CNTN6: variants seen among roughly 807,000 people sequenced by gnomAD.
CNTN6 encodes contactin-6.
CNTN6 carries 137 observed loss-of-function variants against 122.8 expected under a neutral mutation model. That is an observed-to-expected ratio of 1.12 (90% CI 0.97 to 1.29). The LOEUF (loss-of-function observed/expected upper bound fraction) is 1.29, where lower values mean the gene tolerates loss of function less well. Ranked by LOEUF, CNTN6 falls within the 50% of genes most tolerant of loss-of-function variation. The pLI, the probability that CNTN6 is intolerant of heterozygous loss-of-function variation, is 0.00. For missense variants in CNTN6, 1,634 were observed against 1,223.4 expected (o/e 1.34, Z -5.01); for synonymous variants, 570 against 426.0 (o/e 1.34, Z -4.16).
chr3:1,322,630 G>C (rs538417888), intron 8 of CNTN6, among the ~76,000 whole-genome samples: 10 of 151,178 alleles, frequency 6.6e-5, no homozygotes, highest in African/African-American at 2.2e-4. Flanking sequence ...GAGAAAATAT[G>C]TGTGTATGTG....
At chr3:1,111,641 A>T (rs1338199465) in intron 1 of CNTN6, among the ~76,000 whole-genome samples, 1 of 152,206 alleles carries the variant, frequency 6.6e-6, no homozygotes, top group Middle Eastern at 3.2e-3. Flanking sequence ...TGAAACAGTG[A>T]TGCTCAACAT....
intron 12 of CNTN6, among the ~76,000 whole-genome samples, chr3:1,353,432 C>T (rs1705998403): frequency 1.3e-5 from 2 of 151,714 alleles, no homozygotes; most frequent in South Asian, 4.1e-4. Flanking sequence ...AAGCGTATTA[C>T]ATTATGACGA....
intron 1 of CNTN6, among the ~76,000 whole-genome samples, chr3:1,135,437 A>G (rs1246743668): frequency 1.3e-5 from 2 of 152,114 alleles, no homozygotes; most frequent in African/African-American, 4.8e-5. Flanking sequence ...CAGAAACAGA[A>G]TGGAATCAGT....
chr3:1,197,832 T>G (rs1012587507), intron 2 of CNTN6, among the ~76,000 whole-genome samples: 6 of 152,324 alleles, frequency 3.9e-5, no homozygotes, highest in African/African-American at 1.2e-4. Flanking sequence ...TTATAAACTA[T>G]CTCAAAGTCT....
intron 20 of CNTN6, among the ~76,000 whole-genome samples, chr3:1,386,201 T>G (rs1203939008): frequency 6.6e-6 from 1 of 151,922 alleles, no homozygotes; most frequent in Non-Finnish European, 1.5e-5. Context: ...TTGTTCAAGA[T>G]TGAAAGAGAT....
In CNTN6 at chr3:1,289,876, G is replaced by T. The variant is rs142572189; in HGVS notation, c.455-5725G>T. Among the ~76,000 whole-genome samples, 1,474 of 152,124 alleles carry T rather than the reference G, an allele frequency of 9.7e-3. 31 individuals are homozygous for T. Among genetic ancestry groups the T allele is most frequent in the African/African-American group, 0.034 (1,410 of 41,504 alleles). On this transcript the variant is annotated intron_variant, in intron 5 of 22. Coordinates refer to ENST00000446702, the MANE Select transcript of CNTN6 (RefSeq NM_001289080.2). Reference sequence around the variant, plus strand: ...TTTTTGGTAGAGACGGGGTTTCACCGTGTTAGCCAGGATGGTCTCGATCTC... The same window carrying T: ...TTTTTGGTAGAGACGGGGTTTCACCTTGTTAGCCAGGATGGTCTCGATCTC...
At chr3:1,284,497 G>A (rs1161089042) in intron 5 of CNTN6, among the ~76,000 whole-genome samples, 4 of 152,044 alleles carry the variant, frequency 2.6e-5, no homozygotes, top group Non-Finnish European at 5.9e-5. Context: ...TAATAGTAAC[G>A]ATAATAACCG....
intron 4 of CNTN6, among the ~76,000 whole-genome samples, chr3:1,263,864 C>A (rs17036856): frequency 6.6e-6 from 1 of 151,346 alleles, no homozygotes; most frequent in Non-Finnish European, 1.5e-5. Context: ...GGAACTGCTA[C>A]GTTAGATTGG....
At chr3:1,229,833 T>G (rs779732064) in intron 4 of CNTN6, among the ~76,000 whole-genome samples, 6 of 152,194 alleles carry the variant, frequency 3.9e-5, no homozygotes, top group Non-Finnish European at 7.4e-5. Flanking sequence ...GTATGACTGT[T>G]GATCTTGAAA....
rs2094555558 is a variant in CNTN6, at chr3:1,245,265, ATATATATAT to A, written c.358+17273_358+17281del. ...ACACACATATATATATAACATATATATATATATATACACACACATATATATATAACATAT... is the reference window on the plus strand; with the variant it reads ...ACACACATATATATATAACATATATAACACACACATATATATATAACATAT... On this transcript the variant is annotated intron_variant, in intron 4 of 22. Transcript: ENST00000446702. Among the ~76,000 whole-genome samples, 3 of 5,064 alleles carry A rather than the reference ATATATATAT, an allele frequency of 5.9e-4. 1 individual carries two copies. The highest frequency in any genetic ancestry group is 1.9e-3 in the African/African-American group (3 of 1,592). The allele number at this position is 5,064 out of a possible 152,430, so 3.3% of individuals were successfully genotyped here. A position where few individuals can be genotyped will look rare whatever the true frequency, so the allele number is the denominator to read the frequency against.
At chr3:1,112,997 C>T (rs748988806) in intron 1 of CNTN6, among the ~76,000 whole-genome samples, 2 of 152,148 alleles carry the variant, frequency 1.3e-5, no homozygotes, top group Non-Finnish European at 2.9e-5. Context: ...ACTAATTACA[C>T]TATCACTTAT....
chr3:1,224,949 T>G (rs1328501543), intron 3 of CNTN6, among the ~76,000 whole-genome samples: 1 of 152,114 alleles, frequency 6.6e-6, no homozygotes, highest in Non-Finnish European at 1.5e-5. Flanking sequence ...GGTTTCACCA[T>G]GCTGGCCAGG....
intron 4 of CNTN6, among the ~76,000 whole-genome samples, chr3:1,261,586 A>G (rs1254722128): frequency 2.6e-5 from 4 of 152,118 alleles, no homozygotes; most frequent in Non-Finnish European, 4.4e-5. Flanking sequence ...ATAATTTCTC[A>G]GAGCATTCTC....
At chr3:1,221,312 C>T (rs2094204761) in intron 3 of CNTN6, among the ~76,000 whole-genome samples, 2 of 152,148 alleles carry the variant, frequency 1.3e-5, no homozygotes, top group South Asian at 2.1e-4. Context: ...AATGTAAGCT[C>T]ATTTTGCATT....
At chr3:1,251,988 C>T (rs1249664838) in intron 4 of CNTN6, among the ~76,000 whole-genome samples, 2 of 152,114 alleles carry the variant, frequency 1.3e-5, no homozygotes, top group Non-Finnish European at 2.9e-5. Flanking sequence ...AGTTGCTTAC[C>T]TCTAGAGTTA....
At chr3:1,325,702 C>A (rs933599501) in intron 8 of CNTN6, 113 bp from the exon 9 acceptor site, 6 of 1,079,030 alleles carry the variant, frequency 5.6e-6, no homozygotes, top group Admixed American at 2.6e-5. Context: ...TGTGTGCAAT[C>A]CAACTGGACC....
At chr3:1,157,983 T>C (rs1283912747) in intron 2 of CNTN6, among the ~76,000 whole-genome samples, 4 of 152,216 alleles carry the variant, frequency 2.6e-5, no homozygotes, top group Non-Finnish European at 4.4e-5. Flanking sequence ...CTTCGATATA[T>C]TGATTTCCTT....
intron 2 of CNTN6, among the ~76,000 whole-genome samples, chr3:1,200,977 AG>A (rs2093857962): frequency 7.2e-6 from 1 of 138,894 alleles, no homozygotes; most frequent in Admixed American, 7.6e-5. Context: ...CCCAGGCTGG[AG>A]TACTGTGACA....
intron 2 of CNTN6, among the ~76,000 whole-genome samples, chr3:1,204,419 C>A (rs1230760635): frequency 1.3e-5 from 2 of 152,186 alleles, no homozygotes; most frequent in Non-Finnish European, 2.9e-5. Context: ...AAGAAAGAAT[C>A]TGAGTTTCCT....
Sources: gnomAD v4.1 joint callset for allele counts (sites outside exome capture counted in the v4.1 genomes callset) on GRCh38, gnomAD v4.1.1 for gene constraint, MANE v1.5 for transcripts, NCBI Gene and HGNC (gene_info 2026-07-23, HGNC 2026-07-21) for gene names.